The following KLHL12 variants were observed in gnomAD, a reference collection of about 807,000 sequenced individuals.
KLHL12 encodes the protein kelch like family member 12.
A neutral mutation model predicts 60.8 loss-of-function variants in KLHL12; 17 were observed. That is an observed-to-expected ratio of 0.28 (90% CI 0.19 to 0.42). KLHL12 has a LOEUF of 0.42. KLHL12 is among the 10% of genes least tolerant of loss of function. The pLI, the probability that KLHL12 is intolerant of heterozygous loss-of-function variation, is 1.00. For missense variants in KLHL12, 468 were observed against 722.3 expected (o/e 0.65, Z 4.04); for synonymous variants, 220 against 250.9 (o/e 0.88, Z 1.16).
chr1:202,912,698 C>T lies in KLHL12; in HGVS notation c.568-1495G>A, dbSNP rs193088815. ...AAGGTGGCTATGGTGGTTTCAGTAG[C>T]AGCAGTAGCTATGGCAGTGGCAGAA... On this transcript the variant is annotated intron_variant, in intron 4 of 11. Transcript: ENST00000367261. The T allele has an allele frequency of 2.5e-4, 344 of 1,353,874 alleles. 1 individual carries two copies. Among genetic ancestry groups the T allele is most frequent in the Non-Finnish European group, 3.4e-4 (331 of 960,010 alleles). The allele number at this position is 1,353,874 out of a possible 1,614,324, so 83.9% of individuals were successfully genotyped here.
chr1:202,921,534 T>C (rs1207156267), intron 2 of KLHL12, among the ~76,000 whole-genome samples: 1 of 152,230 alleles, frequency 6.6e-6, no homozygotes, highest in Non-Finnish European at 1.5e-5. Flanking sequence ...GGGACTTTCT[T>C]ATGTAACATC....
chr1:202,904,078 G>A (rs1253376837), intron 6 of KLHL12, among the ~76,000 whole-genome samples: 1 of 152,068 alleles, frequency 6.6e-6, no homozygotes, highest in Non-Finnish European at 1.5e-5. Flanking sequence ...GAGTGCAATG[G>A]CACGATCTTG....
rs139630242 is a variant in KLHL12 at position 202,895,661 on chromosome 1, G to A, written c.996C>T (p.Tyr332=). 9 of 1,614,020 alleles carry A rather than the reference G, an allele frequency of 5.6e-6. No individual in the cohort carries two copies. The highest frequency in any genetic ancestry group is 4.5e-5 in the East Asian group (2 of 44,892). ...VASVSLHDRI[Y]VIGGYDGRSR... Reference sequence around the variant, plus strand: ...AACGGCCATCATAGCCACCAATGACGTAGATCCGGTCATGAAGGGACACTG... The same window carrying A: ...AACGGCCATCATAGCCACCAATGACATAGATCCGGTCATGAAGGGACACTG... Residue 332 remains tyrosine (Y), a synonymous_variant, in exon 8 of 12, where the codon TAC becomes TAT. Transcript: ENST00000367261. The surrounding 1 kb of genome is among the most constrained non-coding windows in gnomAD (Gnocchi z 4.2).
chr1:202,905,375 G>A (rs1036736839), intron 6 of KLHL12, among the ~76,000 whole-genome samples: 1 of 152,176 alleles, frequency 6.6e-6, no homozygotes, highest in Non-Finnish European at 1.5e-5. Context: ...ACATTTTTCT[G>A]TGTTGGAAAG....
chr1:202,892,577 T>C lies in KLHL12; in HGVS notation c.1663A>G (p.Thr555Ala). 6.2e-7 allele frequency: 1 copy of C among 1,614,140 alleles called. No individual in the cohort carries two copies. Among genetic ancestry groups the C allele is most frequent in the Non-Finnish European group, 8.5e-7 (1 of 1,180,034 alleles). The change falls in exon 12 of 12, where the codon ACC (threonine) becomes GCC (alanine). Residue 555 changes from threonine to alanine, a missense_variant. This residue lies in a region of KLHL12 where 68 missense variants were observed against 119.8 expected (regional missense o/e 0.57). Coordinates refer to ENST00000367261, the MANE Select transcript of KLHL12 (RefSeq NM_021633.4). Reference sequence around the variant, plus strand: ...CAAACACCAGCATCACAGCGCTGGGTTCCCATGGATGTCACGACTTCCCAG... The same window carrying C: ...CAAACACCAGCATCACAGCGCTGGGCTCCCATGGATGTCACGACTTCCCAG... ...DSWEVVTSMG[T>A]QRCDAGVCVL...
At chr1:202,904,012 C>G (rs539591712) in intron 6 of KLHL12, among the ~76,000 whole-genome samples, 3 of 151,020 alleles carry the variant, frequency 2.0e-5, no homozygotes, top group Non-Finnish European at 4.4e-5. Context: ...ATCTATCTAT[C>G]TATTTATCTA....
At chr1:202,896,813 A>G (rs1246823384) in intron 7 of KLHL12, 41 bp downstream of exon 7, 5 of 1,459,222 alleles carry the variant, frequency 3.4e-6, no homozygotes, top group Non-Finnish European at 1.9e-6. Context: ...GACTGAGGAC[A>G]TTTAACATCC....
At chr1:202,908,366 T>A (rs1370986231) in intron 6 of KLHL12, among the ~76,000 whole-genome samples, 1 of 152,162 alleles carries the variant, frequency 6.6e-6, no homozygotes, top group Non-Finnish European at 1.5e-5. Flanking sequence ...ATACACATAG[T>A]TATTATGTGC....
intron 6 of KLHL12, among the ~76,000 whole-genome samples, chr1:202,908,613 C>T (rs1241063607): frequency 6.6e-6 from 1 of 152,052 alleles, no homozygotes; most frequent in South Asian, 2.1e-4. Context: ...CTCTTCATTC[C>T]GGAATGGAAA....
intron 6 of KLHL12, among the ~76,000 whole-genome samples, chr1:202,907,713 C>G (rs947865331): frequency 6.6e-6 from 1 of 151,164 alleles, no homozygotes. Flanking sequence ...CAAGACCCAG[C>G]CTGGGCAACA....
At position 202,900,997 on chromosome 1, in the gene KLHL12, G is replaced by A. The variant is rs556130756; in HGVS notation, c.833-4037C>T. On this transcript the variant is annotated intron_variant, in intron 6 of 11. Transcript: ENST00000367261. ...GGAGGCGGAGGTTGCAGTGAGCCGA[G>A]ATCATGCCGCTACACTCCAGCCTGG... is the stretch of plus-strand genomic sequence containing the variant. Among the ~76,000 whole-genome samples the A allele has an allele frequency of 3.3e-5, 5 of 152,236 alleles. 1 individual carries two copies. The highest frequency in any genetic ancestry group is 1.2e-4 in the African/African-American group (5 of 41,550).
intron 2 of KLHL12, among the ~76,000 whole-genome samples, chr1:202,924,285 G>A (rs1013607039): frequency 3.3e-5 from 5 of 152,158 alleles, no homozygotes; most frequent in Non-Finnish European, 5.9e-5. Context: ...TACACTCAAC[G>A]CCTGTACAGC....
At chr1:202,919,666 A>G in intron 3 of KLHL12, 89 bp downstream of exon 3, 1 of 1,287,352 alleles carries the variant, frequency 7.8e-7, no homozygotes, top group East Asian at 2.4e-5. Context: ...GTTTGTCTCC[A>G]AAATGTTCAT....
intron 6 of KLHL12, among the ~76,000 whole-genome samples, chr1:202,901,819 T>C (rs969630507): frequency 6.6e-6 from 1 of 152,224 alleles, no homozygotes; most frequent in African/African-American, 2.4e-5. Context: ...ATGGATATAA[T>C]TTTAGTTAAA....
In KLHL12 at chr1:202,895,439, C is replaced by T. The variant is rs1659803050; in HGVS notation, c.1135+83G>A. On this transcript the variant is annotated intron_variant, in intron 8 of 11. Coordinates refer to ENST00000367261, the MANE Select transcript of KLHL12 (RefSeq NM_021633.4). This position sits in a 1 kb window ranked among gnomAD's most constrained non-coding sequence, Gnocchi z 4.2. Reference sequence around the variant, plus strand: ...CTTAATTTTTTCTCCGTATTTCATGCTCCTGCCAGACAACAGGAGAGGTTA... The same window carrying T: ...CTTAATTTTTTCTCCGTATTTCATGTTCCTGCCAGACAACAGGAGAGGTTA... 1 of 1,181,454 alleles carries T rather than the reference C, an allele frequency of 8.5e-7. No homozygotes were observed. Among genetic ancestry groups the T allele is most frequent in the Non-Finnish European group, 1.2e-6 (1 of 826,376 alleles). 73.2% of individuals were successfully genotyped at this position (1,181,454 alleles called of 1,614,324 possible).
At chr1:202,919,198 G>C (rs1429662486) in intron 3 of KLHL12, among the ~76,000 whole-genome samples, 1 of 152,240 alleles carries the variant, frequency 6.6e-6, no homozygotes, top group African/African-American at 2.4e-5. Flanking sequence ...CAAGGATACA[G>C]TGAGCTGTGA....
Position 202,895,736 on chromosome 1 carries a change from G to A in KLHL12, c.940-19C>T. The stretch of plus-strand genomic sequence containing the variant: ...TGATGCTCTATGGATTTGGAGAGAA[G>A]AGGTACAGAGCATTTCAGTTAGGCA... On this transcript the variant is annotated intron_variant, in intron 7 of 11. Coordinates refer to ENST00000367261, the MANE Select transcript of KLHL12 (RefSeq NM_021633.4). This position sits in a 1 kb window ranked among gnomAD's most constrained non-coding sequence, Gnocchi z 4.2. 6.2e-7 allele frequency: 1 copy of A among 1,607,740 alleles called. No homozygotes were observed. The highest frequency in any genetic ancestry group is 8.5e-7 in the Non-Finnish European group (1 of 1,175,256).
intron 2 of KLHL12, among the ~76,000 whole-genome samples, chr1:202,922,777 C>G (rs922595944): frequency 6.6e-5 from 10 of 151,898 alleles, no homozygotes; most frequent in Non-Finnish European, 1.3e-4. Context: ...TGAGCCACCA[C>G]GCCCAGCTGA....
At chr1:202,901,105 G>A (rs763950903) in intron 6 of KLHL12, among the ~76,000 whole-genome samples, 5 of 152,160 alleles carry the variant, frequency 3.3e-5, no homozygotes, top group Non-Finnish European at 5.9e-5. Context: ...GGCACCTTTT[G>A]AAGGGTGGGA....
Sources: gnomAD v4.1 joint callset for allele counts (sites outside exome capture counted in the v4.1 genomes callset) on GRCh38, gnomAD v4.1.1 for gene constraint, gnomAD v4.1.1 regional missense constraint, Gnocchi (gnomAD v3.1) non-coding constraint, MANE v1.5 for transcripts, NCBI Gene and HGNC (gene_info 2026-07-23, HGNC 2026-07-21) for gene names.